PTPN14: variants seen among roughly 807,000 people sequenced by gnomAD.
PTPN14 encodes the protein tyrosine-protein phosphatase non-receptor type 14.
Under a neutral mutation model 126.8 loss-of-function variants are expected in PTPN14, and 53 were observed. That is an observed-to-expected ratio of 0.42 (90% confidence interval 0.34 to 0.53). The LOEUF (loss-of-function observed/expected upper bound fraction) is 0.53. Among genes scored for constraint, PTPN14 ranks in the 20% least tolerant of loss-of-function variants. The pLI, the probability that PTPN14 is intolerant of heterozygous loss-of-function variation, is 0.08. For synonymous variants in PTPN14, 630 were observed against 599.3 expected (o/e 1.05, Z -0.75); for missense variants, 1,257 against 1,552.9 (o/e 0.81, Z 3.20).
intron 3 of PTPN14, among the ~76,000 whole-genome samples, chr1:214,439,417 T>C (rs1392799758): frequency 6.6e-6 from 1 of 152,212 alleles, no homozygotes; most frequent in Non-Finnish European, 1.5e-5. Context: ...GCTTCCAACA[T>C]TGCTTCATCT....
chr1:214,401,696 A>C lies in PTPN14; in HGVS notation c.658T>G (p.Phe220Val), dbSNP rs1659022838. The C allele has an allele frequency of 6.4e-7, 1 of 1,573,172 alleles. No individual in the cohort carries two copies. The highest frequency in any genetic ancestry group is 8.7e-7 in the Non-Finnish European group (1 of 1,144,028). The change falls in exon 7 of 19, where the codon TTC becomes GTC. Residue 220 changes from phenylalanine to valine, a missense_variant. Physicochemically the swap from Phe to Val is conservative, Grantham distance 50. This residue lies in a region of PTPN14 where 1,021 missense variants were observed against 1,183.3 expected (regional missense o/e 0.86). Transcript: ENST00000366956. The part of the protein sequence containing the change: ...ERLDGFGQEI[F>V]PVKDNHGNCV... Reference sequence around the variant, plus strand: ...GCACAGCATATTACCTTTACAGGGAAGATTTCCTGTCCAAATCCATCCAAA... The same window carrying C: ...GCACAGCATATTACCTTTACAGGGACGATTTCCTGTCCAAATCCATCCAAA...
intron 11 of PTPN14, among the ~76,000 whole-genome samples, chr1:214,388,060 T>A (rs1658663740): frequency 6.6e-6 from 1 of 152,020 alleles, no homozygotes; most frequent in Non-Finnish European, 1.5e-5. Flanking sequence ...TGAACCTGAA[T>A]AACTTCATGC....
At chr1:214,393,541 T>C (rs1355527336) in intron 10 of PTPN14, among the ~76,000 whole-genome samples, 154 bp downstream of exon 10, 1 of 152,170 alleles carries the variant, frequency 6.6e-6, no homozygotes, top group East Asian at 1.9e-4. Flanking sequence ...ATCATTAAAG[T>C]TTTCATTCCT....
chr1:214,369,648 C>T lies in PTPN14; in HGVS notation c.3080G>A (p.Gly1027Asp), dbSNP rs2102517652. The T allele has an allele frequency of 6.2e-7, 1 of 1,614,130 alleles. No individual in the cohort carries two copies. The highest frequency in any genetic ancestry group is 1.7e-5 in the Admixed American group (1 of 60,016). The change falls in exon 17 of 19, where the codon GGT (glycine) becomes GAT (aspartate). Residue 1027 changes from glycine to aspartate, a missense_variant. By Grantham distance (94) the Gly-to-Asp change is moderately conservative. Transcript: ENST00000366956. ...TKSHRYWPKL[G>D]SKHSSATYGK... ...ATAGGTGGCTGAGCTGTGCTTTGAA[C>T]CTAGTTTGGGCCAGTATCGGTGGCT...
At chr1:214,454,540 T>C (rs1010277140) in intron 2 of PTPN14, among the ~76,000 whole-genome samples, 16 of 152,016 alleles carry the variant, frequency 1.1e-4, no homozygotes, top group Non-Finnish European at 1.5e-4. Context: ...TGTGCACACA[T>C]ACAACACACA....
chr1:214,405,639 A>C (rs1659149470), intron 5 of PTPN14, among the ~76,000 whole-genome samples: 1 of 151,878 alleles, frequency 6.6e-6, no homozygotes, highest in African/African-American at 2.4e-5. Flanking sequence ...GAGTGATGTT[A>C]CCTGGAAAAC....
chr1:214,392,593 C>T (rs2102551404), intron 10 of PTPN14, among the ~76,000 whole-genome samples: 1 of 152,276 alleles, frequency 6.6e-6, no homozygotes, highest in South Asian at 2.1e-4. Context: ...AGTGACCTAT[C>T]AGGAACCTGC....
At chr1:214,438,292 C>T (rs1031043684) in intron 3 of PTPN14, among the ~76,000 whole-genome samples, 2 of 152,122 alleles carry the variant, frequency 1.3e-5, no homozygotes, top group Admixed American at 6.5e-5. Flanking sequence ...TCTCCTTGCT[C>T]GGGCCTGATA....
At chr1:214,488,018 A>C (rs1185285218) in intron 1 of PTPN14, among the ~76,000 whole-genome samples, 2 of 152,232 alleles carry the variant, frequency 1.3e-5, no homozygotes, top group African/African-American at 2.4e-5. Flanking sequence ...GTCCACATCT[A>C]AAACACTGTA....
At chr1:214,493,577 TAA>T (rs1661296988) in intron 1 of PTPN14, among the ~76,000 whole-genome samples, 1 of 152,132 alleles carries the variant, frequency 6.6e-6, no homozygotes, top group African/African-American at 2.4e-5. Flanking sequence ...AGGCAATCAA[TAA>T]AGAGTCATCA....
chr1:214,395,085 A>G (rs1658847609), intron 8 of PTPN14, 99 bp from the exon 9 acceptor site: 6 of 1,007,736 alleles, frequency 6.0e-6, no homozygotes, highest in East Asian at 2.4e-5. Context: ...CTCATTTAAC[A>G]AACTATGATT....
chr1:214,496,331 G>A (rs1027396560), intron 1 of PTPN14, among the ~76,000 whole-genome samples: 3 of 152,130 alleles, frequency 2.0e-5, no homozygotes, highest in Non-Finnish European at 4.4e-5. Flanking sequence ...ACAGGATACG[G>A]CTTAGCCCAG....
intron 1 of PTPN14, among the ~76,000 whole-genome samples, chr1:214,503,324 A>G (rs1044815184): frequency 6.6e-5 from 10 of 152,220 alleles, no homozygotes; most frequent in East Asian, 3.8e-4. Flanking sequence ...ATGAAGTAGG[A>G]AAGACGTTGA....
Position 214,364,789 on chromosome 1 carries a change from G to GTGTGTGTGTGTGTGTGTC in PTPN14, c.3272-115_3272-114insGACACACACACACACACA, listed in dbSNP as rs1185394000. On this transcript the variant is annotated intron_variant, in intron 17 of 18. Transcript: ENST00000366956. The surrounding 1 kb of genome is among the most constrained non-coding windows in gnomAD (Gnocchi z 4.1). ...TGAGTGTGTGTGTGTGTGTGTGTGT[G>GTGTGTGTGTGTGTGTGTC]TGTGTGTGTGTGTGTGTTTTAAGTG... 2 of 888,742 alleles carry GTGTGTGTGTGTGTGTGTC rather than the reference G, an allele frequency of 2.3e-6. No individual in the cohort carries two copies. Among genetic ancestry groups the GTGTGTGTGTGTGTGTGTC allele is most frequent in the Non-Finnish European group, 3.4e-6 (2 of 594,186 alleles). 55.1% of individuals were successfully genotyped at this position (888,742 alleles called of 1,614,324 possible).
At chr1:214,359,457 C>T (rs968978347) in intron 18 of PTPN14, among the ~76,000 whole-genome samples, 1 of 150,766 alleles carries the variant, frequency 6.6e-6, no homozygotes, top group Non-Finnish European at 1.5e-5. Context: ...CTCCTGACCT[C>T]GTGATCCGCC....
intron 1 of PTPN14, among the ~76,000 whole-genome samples, chr1:214,472,904 GTGT>G (rs1218737886): frequency 1.3e-5 from 2 of 152,222 alleles, no homozygotes; most frequent in Non-Finnish European, 2.9e-5. Context: ...ATGATAAAAA[GTGT>G]TGTAGTGTGC....
At chr1:214,494,816 T>C (rs1181787730) in intron 1 of PTPN14, among the ~76,000 whole-genome samples, 2 of 152,108 alleles carry the variant, frequency 1.3e-5, no homozygotes, top group Non-Finnish European at 2.9e-5. Context: ...TTGTGTTCCT[T>C]GACAATATTC....
At position 214,411,782 on chromosome 1, in the gene PTPN14, T is replaced by A. The variant is rs373953272; in HGVS notation, c.443-31A>T. On this transcript the variant is annotated intron_variant, in intron 4 of 18. Transcript: ENST00000366956. ...AAGAAAAGAAGATGGAAGGGCAGTA[T>A]TTATTATATGAAATTAAAGATGGAA... 4.0e-5 allele frequency: 55 copies of A among 1,388,828 alleles called. 1 individual carries two copies. The South Asian group carries it at 4.4e-4, about 11-fold the overall frequency. 86.0% of individuals were successfully genotyped at this position (1,388,828 alleles called of 1,614,324 possible). A position where few individuals can be genotyped will look rare whatever the true frequency, so the allele number is the denominator to read the frequency against.
chr1:214,504,331 AT>A (rs1654781047), intron 1 of PTPN14, among the ~76,000 whole-genome samples: 1 of 152,098 alleles, frequency 6.6e-6, no homozygotes, highest in Non-Finnish European at 1.5e-5. Flanking sequence ...GCACCGGGCA[AT>A]GGGCAGCTGC....
Sources: allele counts gnomAD v4.1 joint callset (sites outside exome capture counted in the v4.1 genomes callset), GRCh38; gene constraint gnomAD v4.1.1; regional missense constraint gnomAD v4.1.1; non-coding constraint Gnocchi (gnomAD v3.1); transcripts MANE v1.5; gene names NCBI Gene and HGNC (gene_info 2026-07-23, HGNC 2026-07-21).